Variants in NANOGNB observed in about 807,000 individuals in gnomAD.
NANOGNB encodes NANOG neighbor homeobox.
A neutral mutation model predicts 25.0 loss-of-function variants in NANOGNB; 30 were observed. The observed-to-expected ratio is 1.20, with a 90% CI of 0.90 to 1.63. NANOGNB has a LOEUF of 1.63. Ranked by LOEUF, NANOGNB falls within the 40% of genes most tolerant of loss-of-function variation. The probability of loss-of-function intolerance (pLI) is 0.00; values close to 1 mark genes in which losing one functional copy is unlikely to be tolerated. For synonymous variants in NANOGNB, 84 were observed against 62.1 expected, an observed-to-expected ratio of 1.35 and a Z score of -1.66; for missense variants, 200 against 188.1, an observed-to-expected ratio of 1.06 and a Z score of -0.37.
At chr12:7,772,818 A>C (rs778199613) in intron 3 of NANOGNB, among the ~76,000 whole-genome samples, 5 of 151,934 alleles carry the variant, frequency 3.3e-5, no homozygotes, top group Admixed American at 6.6e-5. Flanking sequence ...TCCTGGCCTC[A>C]AGTGATCTGC....
chr12:7,769,124 C>T (rs1394686176), intron 1 of NANOGNB, among the ~76,000 whole-genome samples: 4 of 152,012 alleles, frequency 2.6e-5, no homozygotes, highest in African/African-American at 4.8e-5. Flanking sequence ...TCCAAGATTG[C>T]GTAAGACAAT....
intron 3 of NANOGNB, among the ~76,000 whole-genome samples, chr12:7,771,370 A>G (rs1862563609): frequency 6.6e-6 from 1 of 151,394 alleles, no homozygotes; most frequent in Non-Finnish European, 1.5e-5. Context: ...ACAGGCACCC[A>G]CCACCACGCC....
intron 3 of NANOGNB, among the ~76,000 whole-genome samples, chr12:7,771,802 G>A (rs1044962365): frequency 2.0e-5 from 3 of 151,782 alleles, no homozygotes; most frequent in African/African-American, 4.8e-5. Context: ...TGTATTTTTA[G>A]TAAAGACCGG....
At chr12:7,770,864 G>C (rs1184683890) in intron 3 of NANOGNB, among the ~76,000 whole-genome samples, 1 of 152,060 alleles carries the variant, frequency 6.6e-6, no homozygotes, top group Non-Finnish European at 1.5e-5. Flanking sequence ...CACCAGCCTG[G>C]GCCTTCCAAA....
chr12:7,772,585 T>C (rs1862590368), intron 3 of NANOGNB, among the ~76,000 whole-genome samples: 1 of 147,890 alleles, frequency 6.8e-6, no homozygotes, highest in Non-Finnish European at 1.5e-5. Flanking sequence ...CCTTTTTTTT[T>C]TTTTTTTTTT....
intron 3 of NANOGNB, among the ~76,000 whole-genome samples, chr12:7,770,841 A>T (rs527422247): frequency 6.6e-6 from 1 of 152,024 alleles, no homozygotes; most frequent in Admixed American, 6.6e-5. Context: ...CGAACTCCCA[A>T]CCTCAGGTGA....
intron 3 of NANOGNB, among the ~76,000 whole-genome samples, chr12:7,770,953 A>C (rs1865287135): frequency 6.6e-6 from 1 of 152,046 alleles, no homozygotes; most frequent in African/African-American, 2.4e-5. Flanking sequence ...CAGAAAAACC[A>C]CTTACTGTGT....
intron 1 of NANOGNB, among the ~76,000 whole-genome samples, 182 bp downstream of exon 1, chr12:7,765,569 C>CAA (rs1187331161): frequency 0.015 from 733 of 48,550 alleles, 24 homozygotes; most frequent in African/African-American, 0.046. Context: ...GACTCCGTCT[C>CAA]AAAAAAAAAA....
Position 7,770,467 on chromosome 12 carries a change from A to G in NANOGNB, c.464A>G (p.Lys155Arg), listed in dbSNP as rs1865283235. ...AGTCAATGGTTTTGTAAAACGAGGA[A>G]GAAATATAATAAAGAAATGTCCAAG... ...QISQWFCKTRKKYNKEMSKRK... is the reference protein window; with the variant it reads ...QISQWFCKTRRKYNKEMSKRK... The change falls in exon 3 of 4, where the codon AAG (lysine) becomes AGG (arginine). Residue 155 changes from lysine to arginine, a missense_variant. Lys to Arg is a conservative substitution (Grantham distance 26). Coordinates refer to ENST00000382119, the MANE Select transcript of NANOGNB (RefSeq NM_001145465.1). 2 of 1,533,702 alleles carry G rather than the reference A, an allele frequency of 1.3e-6. No individual in the cohort carries two copies. Among genetic ancestry groups the G allele is most frequent in the Non-Finnish European group, 1.8e-6 (2 of 1,132,586 alleles).
At position 7,765,218 on chromosome 12, in the gene NANOGNB, C is replaced by G; in HGVS notation, c.-68C>G. The G allele has an allele frequency of 7.8e-7, 1 of 1,278,840 alleles. No homozygotes were observed. The highest frequency in any genetic ancestry group is 1.0e-6 in the Non-Finnish European group (1 of 982,312). The allele number at this position is 1,278,840 out of a possible 1,614,324, so 79.2% of individuals were successfully genotyped here. ...CTGACATCCAAAAGATGGATGACAT[C>G]TACCTTATCTGGTCGGTCATCTCTG... is the stretch of plus-strand genomic sequence containing the variant. On this transcript the variant is annotated 5_prime_UTR_variant, in exon 1 of 4. The change creates a new upstream start codon in the 5' untranslated region. Coordinates refer to ENST00000382119, the MANE Select transcript of NANOGNB (RefSeq NM_001145465.1).
At chr12:7,770,363 T>G in intron 2 of NANOGNB, 48 bp downstream of exon 2, 1 of 1,517,604 alleles carries the variant, frequency 6.6e-7, no homozygotes, top group Non-Finnish European at 8.8e-7. Context: ...CAAAGTCACT[T>G]GTATAGTACT....
intron 1 of NANOGNB, among the ~76,000 whole-genome samples, chr12:7,767,426 T>C (rs151326510): frequency 2.5e-3 from 383 of 150,858 alleles, no homozygotes; most frequent in Middle Eastern, 0.01. Flanking sequence ...TGGCCTGGTG[T>C]GGTGGCTCAC....
At chr12:7,771,622 T>G (rs186762233) in intron 3 of NANOGNB, among the ~76,000 whole-genome samples, 1 of 151,978 alleles carries the variant, frequency 6.6e-6, no homozygotes, top group East Asian at 1.9e-4. Flanking sequence ...TTGATCATTG[T>G]TTTTTGTTTG....
intron 1 of NANOGNB, among the ~76,000 whole-genome samples, 160 bp from the exon 2 acceptor site, chr12:7,769,823 G>T (rs2120516141): frequency 6.6e-6 from 1 of 152,346 alleles, no homozygotes; most frequent in Admixed American, 6.5e-5. Context: ...ACCGTGCCCA[G>T]CCTCAAGTTC....
chr12:7,767,387 T>C (rs1224433025), intron 1 of NANOGNB, among the ~76,000 whole-genome samples: 3 of 151,694 alleles, frequency 2.0e-5, no homozygotes, highest in Non-Finnish European at 4.4e-5. Flanking sequence ...GAGGGTTTTT[T>C]TTTTTTTTTT....
Position 7,765,335 on chromosome 12 carries a change from C to G in NANOGNB, c.50C>G (p.Ala17Gly), listed in dbSNP as rs149820722. 2 of 794,602 alleles carry G rather than the reference C, an allele frequency of 2.5e-6. No individual in the cohort carries two copies. The highest frequency in any genetic ancestry group is 3.7e-6 in the Non-Finnish European group (2 of 544,980). The allele number at this position is 794,602 out of a possible 1,614,324, so 49.2% of individuals were successfully genotyped here. A position where few individuals can be genotyped will look rare whatever the true frequency, so the allele number is the denominator to read the frequency against. ...CCTGTAATCCCAGCACTTTGGGAGG[C>G]CGAGGCGGGCAGATCACGAGGTCAG... The part of the protein sequence containing the change: ...LTPVIPALWE[A>G]EAGRSRGQEI... Residue 17 changes from alanine (A) to glycine (G), a missense_variant, in exon 1 of 4, where the codon GCC (alanine) becomes GGC (glycine). Physicochemically the swap from Ala to Gly is moderately conservative, Grantham distance 60. Coordinates refer to ENST00000382119, the MANE Select transcript of NANOGNB (RefSeq NM_001145465.1).
intron 1 of NANOGNB, among the ~76,000 whole-genome samples, chr12:7,769,565 C>T (rs1471716736): frequency 3.3e-5 from 5 of 152,046 alleles, no homozygotes; most frequent in Non-Finnish European, 7.4e-5. Flanking sequence ...TTAGGTGATC[C>T]ACCCACCTCG....
chr12:7,765,333 G>A lies in NANOGNB; in HGVS notation c.48G>A (p.Glu16=), dbSNP rs886214263. The A allele has an allele frequency of 1.3e-6, 1 of 794,946 alleles. No individual in the cohort carries two copies. Among genetic ancestry groups the A allele is most frequent in the Non-Finnish European group, 1.8e-6 (1 of 544,860 alleles). 49.2% of individuals were successfully genotyped at this position (794,946 alleles called of 1,614,324 possible). A position where few individuals can be genotyped will look rare whatever the true frequency, so the allele number is the denominator to read the frequency against. Residue 16 remains glutamate, a synonymous_variant, in exon 1 of 4, where the codon GAG becomes GAA. Coordinates refer to ENST00000382119, the MANE Select transcript of NANOGNB (RefSeq NM_001145465.1). Reference sequence around the variant, plus strand: ...CGCCTGTAATCCCAGCACTTTGGGAGGCCGAGGCGGGCAGATCACGAGGTC... The same window carrying A: ...CGCCTGTAATCCCAGCACTTTGGGAAGCCGAGGCGGGCAGATCACGAGGTC... The part of the protein sequence containing the change: ...WLTPVIPALW[E]AEAGRSRGQE...
intron 3 of NANOGNB, among the ~76,000 whole-genome samples, chr12:7,770,908 G>A (rs1029075671): frequency 6.8e-4 from 103 of 151,920 alleles, no homozygotes; most frequent in African/African-American, 2.3e-3. Context: ...CACCACACCC[G>A]GTGCCCATAA....
Sources: allele counts gnomAD v4.1 joint callset (sites outside exome capture counted in the v4.1 genomes callset), GRCh38; gene constraint gnomAD v4.1.1; transcripts MANE v1.5; gene names NCBI Gene and HGNC (gene_info 2026-07-23, HGNC 2026-07-21).